The following XRCC6 variants were observed in gnomAD, a reference collection of about 807,000 sequenced individuals.
XRCC6 encodes DNA repair protein Ku70.
A neutral mutation model predicts 65.7 loss-of-function variants in XRCC6; 5 were observed. The observed-to-expected ratio is 0.08, with a 90% CI of 0.04 to 0.16. The LOEUF (loss-of-function observed/expected upper bound fraction) is 0.16, where lower values mean the gene tolerates loss of function less well. Among genes scored for constraint, XRCC6 ranks in the 10% least tolerant of loss-of-function variants. The probability of loss-of-function intolerance (pLI) is 1.00; values close to 1 mark genes in which losing one functional copy is unlikely to be tolerated. For missense variants in XRCC6, 447 were observed against 738.1 expected (o/e 0.61, Z 4.57); for synonymous variants, 270 against 270.6 (o/e 1.00, Z 0.02).
intron 6 of XRCC6, among the ~76,000 whole-genome samples, chr22:41,641,524 C>A (rs1257845459): frequency 1.3e-5 from 2 of 152,088 alleles, no homozygotes; most frequent in Non-Finnish European, 2.9e-5. Context: ...TATAGTCACC[C>A]TGATCTGCTC....
At chr22:41,651,631 G>A (rs2147106951) in intron 8 of XRCC6, among the ~76,000 whole-genome samples, 1 of 150,954 alleles carries the variant, frequency 6.6e-6, no homozygotes, top group South Asian at 2.1e-4. Flanking sequence ...TGGTTCAAAC[G>A]ATTCTCCTTC....
At chr22:41,657,083 T>C (rs1045626691) in intron 10 of XRCC6, 51 bp downstream of exon 10, 14 of 1,523,422 alleles carry the variant, frequency 9.2e-6, no homozygotes, top group Admixed American at 4.7e-5. Context: ...GAAAATCTTA[T>C]TAGAAACAGC....
chr22:41,653,563 G>A lies in XRCC6; in HGVS notation c.1164G>A (p.Lys388=). The change falls in exon 9 of 13, where the codon AAG becomes AAA. Residue 388 remains lysine (K), a synonymous_variant. Transcript: ENST00000360079. The part of the protein sequence containing the change: ...SSTLFSALLI[K]CLEKEVAALC... ...CCCTGTTCAGTGCTCTGCTCATCAA[G>A]TGTCTGGAGAAGGAGGTTGCAGCAT... The A allele has an allele frequency of 6.2e-7, 1 of 1,613,742 alleles. No individual in the cohort carries two copies. Among genetic ancestry groups the A allele is most frequent in the Non-Finnish European group, 8.5e-7 (1 of 1,179,742 alleles).
chr22:41,641,110 A>T (rs2067870768), intron 6 of XRCC6, among the ~76,000 whole-genome samples: 1 of 152,174 alleles, frequency 6.6e-6, no homozygotes, highest in African/African-American at 2.4e-5. Context: ...GTACTTTCAC[A>T]TAGGATTGCC....
chr22:41,651,271 C>G (rs1344192044), intron 8 of XRCC6, among the ~76,000 whole-genome samples: 1 of 151,316 alleles, frequency 6.6e-6, no homozygotes, highest in Non-Finnish European at 1.5e-5. Context: ...GCACTCCAGC[C>G]TGGGCCATAG....
intron 1 of XRCC6, 129 bp from the exon 2 acceptor site, chr22:41,621,861 G>A: frequency 2.4e-6 from 2 of 820,300 alleles, no homozygotes. Flanking sequence ...AGCTTTCGAG[G>A]CAGCAGGATT....
intron 6 of XRCC6, among the ~76,000 whole-genome samples, chr22:41,638,703 A>G (rs1055972464): frequency 1.4e-5 from 2 of 144,658 alleles, no homozygotes; most frequent in Non-Finnish European, 3.0e-5. Context: ...GCTTGAACCC[A>G]GGAGTCAGAG....
intron 3 of XRCC6, among the ~76,000 whole-genome samples, chr22:41,630,489 C>CTTT (rs34290865): frequency 1.1e-4 from 15 of 141,764 alleles, no homozygotes; most frequent in African/African-American, 3.1e-4. Context: ...ATTAGTGTTT[C>CTTT]TTTTTTTTTT....
intron 6 of XRCC6, among the ~76,000 whole-genome samples, chr22:41,641,059 AGG>A (rs1375353393): frequency 6.6e-6 from 1 of 152,140 alleles, no homozygotes; most frequent in Non-Finnish European, 1.5e-5. Flanking sequence ...TGGGCAACCC[AGG>A]GAGACCCTGT....
intron 2 of XRCC6, among the ~76,000 whole-genome samples, chr22:41,627,375 C>G (rs536839509): frequency 6.6e-6 from 1 of 152,052 alleles, no homozygotes; most frequent in South Asian, 2.1e-4. Context: ...CTTTGGGAGT[C>G]TGAGGTGGGT....
chr22:41,654,361 A>G (rs1034798969), intron 9 of XRCC6, among the ~76,000 whole-genome samples: 1 of 152,098 alleles, frequency 6.6e-6, no homozygotes, highest in Admixed American at 6.6e-5. Flanking sequence ...TTACTAAGCT[A>G]TTGTATCTCA....
At chr22:41,641,883 T>C (rs1052571103) in intron 6 of XRCC6, among the ~76,000 whole-genome samples, 1 of 152,052 alleles carries the variant, frequency 6.6e-6, no homozygotes, top group Non-Finnish European at 1.5e-5. Flanking sequence ...ACCTCTGCCT[T>C]CTGGATTCAA....
At chr22:41,660,007 A>G (rs2068085188) in intron 11 of XRCC6, among the ~76,000 whole-genome samples, 1 of 152,188 alleles carries the variant, frequency 6.6e-6, no homozygotes, top group African/African-American at 2.4e-5. Flanking sequence ...TTAAAACTCT[A>G]CAGATGATTC....
chr22:41,643,454 C>G (rs1045181165), intron 6 of XRCC6, among the ~76,000 whole-genome samples: 2 of 151,832 alleles, frequency 1.3e-5, no homozygotes, highest in East Asian at 3.9e-4. Flanking sequence ...AAATTTGTCT[C>G]TGAGCATGGC....
intron 12 of XRCC6, among the ~76,000 whole-genome samples, chr22:41,663,203 C>T (rs1286640435): frequency 6.6e-6 from 1 of 152,200 alleles, no homozygotes; most frequent in Non-Finnish European, 1.5e-5. Context: ...CTCCTGGGCT[C>T]GAGTGATCCT....
intron 2 of XRCC6, among the ~76,000 whole-genome samples, chr22:41,622,293 C>T (rs374084667): frequency 5.9e-5 from 9 of 152,098 alleles, no homozygotes; most frequent in Non-Finnish European, 1.0e-4. Flanking sequence ...TTTTTTTGGA[C>T]ACTGGTAGTT....
intron 3 of XRCC6, among the ~76,000 whole-genome samples, chr22:41,631,408 C>T (rs145920427): frequency 0.041 from 6,091 of 148,242 alleles, 168 homozygotes; most frequent in Non-Finnish European, 0.062. Flanking sequence ...CTCACTTCTC[C>T]GACGGGGCGG....
In XRCC6 at chr22:41,647,099, TTTG is replaced by T. The variant is rs375242008; in HGVS notation, c.960+29_960+31del. The T allele has an allele frequency of 6.5e-4, 1,051 of 1,610,810 alleles. 8 individuals carry two copies. Among genetic ancestry groups the T allele is most frequent in the South Asian group, 5.9e-3 (534 of 90,974 alleles). ...AGGTCTCAGGTAGGTAGAGATGCCT[TTTG>T]TTGTTGTTGTTTTTGAGACAGGGTC... On this transcript the variant is annotated intron_variant, in intron 7 of 12. Transcript: ENST00000360079.
rs1420133273 is a variant in XRCC6 at position 41,639,390 on chromosome 22, G to A, written c.773+1599G>A. ...CTCACCCTGTTGCCCAGGCCAGAGT[G>A]CAGTATGATCACAGCTCACCTTAGC... On this transcript the variant is annotated intron_variant, in intron 6 of 12. Transcript: ENST00000360079. Among the ~76,000 whole-genome samples, 5 of 123,552 alleles carry A rather than the reference G, an allele frequency of 4.0e-5. No individual in the cohort carries two copies. The South Asian group carries it at 1.3e-3, about 33-fold the overall frequency. 81.1% of individuals were successfully genotyped at this position (123,552 alleles called of 152,430 possible). A position where few individuals can be genotyped will look rare whatever the true frequency, so the allele number is the denominator to read the frequency against.
Sources: gnomAD v4.1 joint callset for allele counts (sites outside exome capture counted in the v4.1 genomes callset) on GRCh38, gnomAD v4.1.1 for gene constraint, MANE v1.5 for transcripts, NCBI Gene and HGNC (gene_info 2026-07-23, HGNC 2026-07-21) for gene names.